TTC6: variants seen among roughly 807,000 people sequenced by gnomAD.
The protein encoded by TTC6 is tetratricopeptide repeat protein 6.
In TTC6, 172 loss-of-function variants were observed where a neutral mutation model predicts 210.4. That is an observed-to-expected ratio of 0.82 (90% CI 0.72 to 0.93). TTC6 has a LOEUF of 0.93. Among genes scored for constraint, TTC6 ranks in the 40% least tolerant of loss-of-function variants. The probability of loss-of-function intolerance (pLI) is 0.00; values close to 1 mark genes in which losing one functional copy is unlikely to be tolerated. For synonymous variants in TTC6, 804 were observed against 819.6 expected (o/e 0.98, Z 0.32); for missense variants, 2,414 against 2,318.1 (o/e 1.04, Z -0.85).
chr14:37,610,324 T>C (rs1300310694), intron 2 of TTC6, among the ~76,000 whole-genome samples: 1 of 152,228 alleles, frequency 6.6e-6, no homozygotes, highest in Non-Finnish European at 1.5e-5. Context: ...GGAGGATCTC[T>C]AGAGCGTTTA....
chr14:37,648,303 C>T (rs10130021), intron 1 of TTC6, among the ~76,000 whole-genome samples: 7,812 of 152,224 alleles, frequency 0.051, 677 homozygotes, highest in African/African-American at 0.18. Flanking sequence ...CACTTCCTTT[C>T]TCAGCTTGCC....
intron 7 of TTC6, among the ~76,000 whole-genome samples, chr14:37,734,932 A>G (rs892944149): frequency 6.6e-6 from 1 of 152,144 alleles, no homozygotes; most frequent in African/African-American, 2.4e-5. Context: ...TAAATATGTA[A>G]TATCTGCTAT....
At chr14:37,806,492 C>T in exon 22 of TTC6, 32 of 1,532,650 alleles carry the variant, frequency 2.1e-5, no homozygotes, top group Non-Finnish European at 2.7e-5. Context: ...CAATTACCCT[C>T]AATCCAAAAC....
intron 5 of TTC6, among the ~76,000 whole-genome samples, chr14:37,704,381 T>C (rs1041932382): frequency 1.3e-5 from 2 of 152,176 alleles, no homozygotes; most frequent in Non-Finnish European, 2.9e-5. Flanking sequence ...AACCAAGCTA[T>C]GGTGACACTA....
intron 6 of TTC6, among the ~76,000 whole-genome samples, chr14:37,722,501 T>C (rs71407721): frequency 0.057 from 8,669 of 152,230 alleles, 381 homozygotes; most frequent in Non-Finnish European, 0.089. Flanking sequence ...GCACATGCCA[T>C]TACACCTGGC....
At chr14:37,695,317 T>C (rs1339881947) in intron 3 of TTC6, among the ~76,000 whole-genome samples, 1 of 152,076 alleles carries the variant, frequency 6.6e-6, no homozygotes, top group African/African-American at 2.4e-5. Flanking sequence ...GGCAAAATAC[T>C]TGATAGCACA....
intron 14 of TTC6, among the ~76,000 whole-genome samples, chr14:37,758,174 G>A (rs2095973610): frequency 1.3e-5 from 2 of 152,198 alleles, no homozygotes; most frequent in Admixed American, 6.5e-5. Flanking sequence ...GGTGTGGAGA[G>A]TTCTGTAGGT....
chr14:37,725,642 G>A (rs887247315), intron 7 of TTC6, among the ~76,000 whole-genome samples: 2 of 151,650 alleles, frequency 1.3e-5, no homozygotes. Flanking sequence ...GAGCCACCAT[G>A]CCTGGCCATA....
In TTC6 at chr14:37,598,176, C is replaced by T. The variant is rs192444495; in HGVS notation, c.-235+2168C>T. On this transcript the variant is annotated intron_variant, in intron 1 of 2. Coordinates refer to the TTC6 transcript ENST00000556845. This position sits in a 1 kb window ranked among gnomAD's most constrained non-coding sequence, Gnocchi z 4.9. The stretch of plus-strand genomic sequence containing the variant: ...CTACACCATTGGAAACTGTGCTTTG[C>T]AAGGATTGTGCTGCTCGTTGGAGGA... Among the ~76,000 whole-genome samples the T allele has an allele frequency of 4.6e-5, 7 of 152,294 alleles. No individual in the cohort carries two copies. Among genetic ancestry groups the T allele is most frequent in the Non-Finnish European group, 8.8e-5 (6 of 68,014 alleles).
At chr14:37,666,455 A>G (rs1433033891) in intron 1 of TTC6, among the ~76,000 whole-genome samples, 1 of 149,354 alleles carries the variant, frequency 6.7e-6, no homozygotes, top group East Asian at 1.9e-4. Flanking sequence ...TCAAAAAAAA[A>G]AAAAAAAGAT....
chr14:37,717,673 A>G (rs1332155431), intron 6 of TTC6, among the ~76,000 whole-genome samples: 1 of 152,226 alleles, frequency 6.6e-6, no homozygotes, highest in Non-Finnish European at 1.5e-5. Flanking sequence ...TCAGAAAATA[A>G]GAGGAGGGAA....
chr14:37,739,158 CTTGT>C lies in TTC6; in HGVS notation c.2363+6_2363+9del, dbSNP rs1566922652. The C allele has an allele frequency of 1.3e-6, 2 of 1,486,866 alleles. No individual in the cohort carries two copies. The highest frequency in any genetic ancestry group is 1.8e-6 in the Non-Finnish European group (2 of 1,130,346). The allele number at this position is 1,486,866 out of a possible 1,614,324, so 92.1% of individuals were successfully genotyped here. ...AAGCCTCCAAAATCTCTTGAAAGGT[CTTGT>C]TTAAGTGATTTTCTTATAGTTTAAG... On this transcript the variant is annotated splice_donor_5th_base_variant and intron_variant, in intron 10 of 30. Transcript: ENST00000553443.
At chr14:37,701,438 G>A (rs2095825194) in exon 5 of TTC6, 2 of 1,532,356 alleles carry the variant, frequency 1.3e-6, no homozygotes, top group Non-Finnish European at 8.7e-7. Context: ...GTATCACACT[G>A]CTAACAGGAA....
At chr14:37,696,137 T>TA (rs932885175) in intron 3 of TTC6, among the ~76,000 whole-genome samples, 5 of 152,210 alleles carry the variant, frequency 3.3e-5, no homozygotes, top group South Asian at 2.1e-4. Context: ...CTACCTAACA[T>TA]AAAAAAATTA....
rs139603998 is a variant in TTC6, at chr14:37,718,481, T to C, written c.1713+3685T>C. On this transcript the variant is annotated intron_variant, in intron 6 of 30. Transcript: ENST00000553443. ...AACATAGTATTTAATGGTGAAAGCC[T>C]GATTGTTTCCCCACACCACTCTTAT... Among the ~76,000 whole-genome samples the C allele has an allele frequency of 2.6e-3, 391 of 152,208 alleles. 3 individuals are homozygous for C. The highest frequency in any genetic ancestry group is 8.7e-3 in the African/African-American group (360 of 41,526).
At chr14:37,695,349 A>ATTAG (rs1555388126) in intron 3 of TTC6, among the ~76,000 whole-genome samples, 2 of 151,758 alleles carry the variant, frequency 1.3e-5, no homozygotes, top group Non-Finnish European at 2.9e-5. Flanking sequence ...ATAGTCAGTA[A>ATTAG]TTATTTATTT....
chr14:37,721,592 T>C (rs2095861842), intron 6 of TTC6, among the ~76,000 whole-genome samples: 1 of 152,040 alleles, frequency 6.6e-6, no homozygotes, highest in African/African-American at 2.4e-5. Context: ...ATAAACATGG[T>C]TTGATGTTTG....
intron 14 of TTC6, among the ~76,000 whole-genome samples, chr14:37,780,122 G>C (rs1477578897): frequency 6.6e-6 from 1 of 152,122 alleles, no homozygotes; most frequent in African/African-American, 2.4e-5. Context: ...AAAATTTTAA[G>C]TTCAGAAACA....
chr14:37,626,821 G>C (rs2095661142), intron 1 of TTC6, among the ~76,000 whole-genome samples: 1 of 152,158 alleles, frequency 6.6e-6, no homozygotes, highest in South Asian at 2.1e-4. Context: ...AAAATTTTTA[G>C]ACGATAACTA....
Sources: gnomAD v4.1 joint callset for allele counts (sites outside exome capture counted in the v4.1 genomes callset) on GRCh38, gnomAD v4.1.1 for gene constraint, Gnocchi (gnomAD v3.1) non-coding constraint, MANE v1.5 for transcripts, NCBI Gene and HGNC (gene_info 2026-07-23, HGNC 2026-07-21) for gene names.